ARID1A: variants seen among roughly 807,000 people sequenced by gnomAD.
ARID1A encodes AT-rich interaction domain 1A.
ARID1A carries 20 observed loss-of-function variants against 212.6 expected under a neutral mutation model. The ratio of observed to expected loss-of-function variants is 0.09; its 90% CI spans 0.07 to 0.14. ARID1A has a LOEUF of 0.14. Among genes scored for constraint, ARID1A ranks in the 10% least tolerant of loss-of-function variants. The pLI, the probability that ARID1A is intolerant of heterozygous loss-of-function variation, is 1.00. For missense variants in ARID1A, 2,587 were observed against 3,059.0 expected, an observed-to-expected ratio of 0.85 and a Z score of 3.64; for synonymous variants, 1,376 against 1,222.1, an observed-to-expected ratio of 1.13 and a Z score of -2.63.
At chr1:26,767,497 G>C (rs756203527) in intron 10 of ARID1A, among the ~76,000 whole-genome samples, 7 of 152,116 alleles carry the variant, frequency 4.6e-5, no homozygotes, top group Non-Finnish European at 1.0e-4. Context: ...TTTGCCTCCT[G>C]GTGCCTGCTT....
chr1:26,710,190 C>T (rs1241434763), intron 1 of ARID1A, among the ~76,000 whole-genome samples: 1 of 145,488 alleles, frequency 6.9e-6, no homozygotes, highest in African/African-American at 2.5e-5. Flanking sequence ...CATCCCAGCA[C>T]TTTGGGAGGC....
At position 26,774,499 on chromosome 1, in the gene ARID1A, G is replaced by A. The variant is rs1375460102; in HGVS notation, c.4272G>A (p.Gln1424=). The A allele has an allele frequency of 4.3e-6, 7 of 1,613,652 alleles. No homozygotes were observed. Among genetic ancestry groups the A allele is most frequent in the South Asian group, 1.1e-5 (1 of 91,024 alleles). ...AACAAGCTGCCCAGCCTTCCCCTCAGCAAGATGTATACAACCAGTATGGCA... is the reference window on the plus strand; with the variant it reads ...AACAAGCTGCCCAGCCTTCCCCTCAACAAGATGTATACAACCAGTATGGCA... ...SQQQAAQPSP[Q]QDVYNQYGNA... Residue 1424 remains glutamine, a synonymous_variant, in exon 18 of 20, where the codon CAG becomes CAA. Coordinates refer to ENST00000324856, the MANE Select transcript of ARID1A (RefSeq NM_006015.6). This position sits in a 1 kb window ranked among gnomAD's most constrained non-coding sequence, Gnocchi z 5.6.
chr1:26,722,537 G>A (rs999355878), intron 1 of ARID1A, among the ~76,000 whole-genome samples: 7 of 152,188 alleles, frequency 4.6e-5, no homozygotes, highest in Non-Finnish European at 1.0e-4. Flanking sequence ...GAGTCACTGC[G>A]TCTGGCCAAT....
chr1:26,731,041 C>G, intron 2 of ARID1A, 111 bp from the exon 3 acceptor site: 1 of 1,219,212 alleles, frequency 8.2e-7, no homozygotes, highest in Non-Finnish European at 1.2e-6. Context: ...AGTATGAGGC[C>G]TTGCATGCTT....
chr1:26,707,117 T>C (rs553786763), intron 1 of ARID1A, among the ~76,000 whole-genome samples: 3 of 151,574 alleles, frequency 2.0e-5, no homozygotes, highest in African/African-American at 7.3e-5. Flanking sequence ...CACTGCAGTC[T>C]CCGCCTCCTG....
chr1:26,705,718 T>C (rs1191304467), intron 1 of ARID1A, among the ~76,000 whole-genome samples: 1 of 152,228 alleles, frequency 6.6e-6, no homozygotes, highest in African/African-American at 2.4e-5. Flanking sequence ...GTATTCTTCC[T>C]GAAATTACCC....
At chr1:26,706,376 C>T (rs1280174567) in intron 1 of ARID1A, among the ~76,000 whole-genome samples, 2 of 152,160 alleles carry the variant, frequency 1.3e-5, no homozygotes, top group Non-Finnish European at 2.9e-5. Context: ...AGGAACCCTT[C>T]TTTTCCCCTT....
intron 1 of ARID1A, among the ~76,000 whole-genome samples, chr1:26,702,015 T>C (rs2080335765): frequency 6.6e-6 from 1 of 152,162 alleles, no homozygotes; most frequent in South Asian, 2.1e-4. Flanking sequence ...GAATGGATAT[T>C]CATAAGTTCA....
chr1:26,736,619 ACT>A (rs1475952528), intron 4 of ARID1A, among the ~76,000 whole-genome samples: 2 of 118,742 alleles, frequency 1.7e-5, no homozygotes, highest in African/African-American at 3.4e-5. Context: ...ACAGAGAGAG[ACT>A]CTGTCTCAAA....
chr1:26,707,078 G>GAGTGC (rs1190692422), intron 1 of ARID1A, among the ~76,000 whole-genome samples: 3 of 151,816 alleles, frequency 2.0e-5, no homozygotes, highest in Non-Finnish European at 4.4e-5. Context: ...ACCCAGGCTG[G>GAGTGC]AGTGCAGTGC....
chr1:26,780,921 C>T lies in ARID1A; in HGVS notation c.*165C>T. The stretch of plus-strand genomic sequence containing the variant: ...TCTCTCCTGTTTCTCTCTCCTCCTT[C>T]CACCTCCCCTCCCTCCATCACCTCA... On this transcript the variant is annotated 3_prime_UTR_variant, in exon 20 of 20. Coordinates refer to ENST00000324856, the MANE Select transcript of ARID1A (RefSeq NM_006015.6). This position sits in a 1 kb window ranked among gnomAD's most constrained non-coding sequence, Gnocchi z 7.2. 3 of 975,604 alleles carry T rather than the reference C, an allele frequency of 3.1e-6. No individual in the cohort carries two copies. The highest frequency in any genetic ancestry group is 1.8e-5 in the South Asian group (1 of 55,508). The allele number at this position is 975,604 out of a possible 1,614,324, so 60.4% of individuals were successfully genotyped here.
At chr1:26,726,938 C>G (rs1235691312) in intron 1 of ARID1A, among the ~76,000 whole-genome samples, 1 of 152,220 alleles carries the variant, frequency 6.6e-6, no homozygotes, top group African/African-American at 2.4e-5. Context: ...GGTCAAGTTT[C>G]TGTTACTAGA....
rs1203489301 is a variant in ARID1A, at chr1:26,696,053, G to A, written c.-351G>A. 2.4e-4 allele frequency: 161 copies of A among 675,036 alleles called. No individual in the cohort carries two copies. Among genetic ancestry groups the A allele is most frequent in the Middle Eastern group, 6.9e-4 (1 of 1,446 alleles). The allele number at this position is 675,036 out of a possible 1,614,324, so 41.8% of individuals were successfully genotyped here. On this transcript the variant is annotated 5_prime_UTR_variant, in exon 1 of 20. Transcript: ENST00000324856. ...CAGCAGAAAGCGGAGAGTCACAGCG[G>A]GGCCAGGCCCTGGGGAGCGGAGCCT...
chr1:26,725,259 T>G (rs1454745856), intron 1 of ARID1A, among the ~76,000 whole-genome samples: 1 of 152,192 alleles, frequency 6.6e-6, no homozygotes, highest in Admixed American at 6.5e-5. Flanking sequence ...CTTTTGTATC[T>G]TGCATGTAGG....
intron 4 of ARID1A, among the ~76,000 whole-genome samples, chr1:26,734,905 A>T (rs2080714556): frequency 6.6e-6 from 1 of 152,136 alleles, no homozygotes; most frequent in South Asian, 2.1e-4. Flanking sequence ...AGCCCCTCAG[A>T]TTTCACATTG....
At chr1:26,778,122 G>A (rs1440342578) in intron 19 of ARID1A, 1 of 150,956 alleles carries the variant, frequency 6.6e-6, no homozygotes, top group Non-Finnish European at 1.5e-5. Flanking sequence ...CTAGCCCGAT[G>A]TGGTGGCAGG....
chr1:26,753,744 T>C (rs188557789), intron 4 of ARID1A, among the ~76,000 whole-genome samples: 1 of 152,332 alleles, frequency 6.6e-6, no homozygotes, highest in African/African-American at 2.4e-5. Context: ...GCTACAGTTA[T>C]TTCCGCAGTC....
At chr1:26,775,287 C>G (rs2124124830) in intron 18 of ARID1A, 67 bp downstream of exon 18, 1 of 1,507,036 alleles carries the variant, frequency 6.6e-7, no homozygotes, top group Non-Finnish European at 8.8e-7. Context: ...GTTCCCTCCA[C>G]CTTACTATTC....
chr1:26,712,181 G>A (rs1362637502), intron 1 of ARID1A, among the ~76,000 whole-genome samples: 1 of 152,182 alleles, frequency 6.6e-6, no homozygotes, highest in African/African-American at 2.4e-5. Context: ...GCCACTTAAA[G>A]GTCAGTGTTG....
Sources: gnomAD v4.1 joint callset for allele counts (sites outside exome capture counted in the v4.1 genomes callset) on GRCh38, gnomAD v4.1.1 for gene constraint, Gnocchi (gnomAD v3.1) non-coding constraint, MANE v1.5 for transcripts, NCBI Gene and HGNC (gene_info 2026-07-23, HGNC 2026-07-21) for gene names.